Variants in COMMD1 observed in about 807,000 individuals in gnomAD.
COMMD1 encodes the protein COMM domain-containing protein 1.
In COMMD1, 10 loss-of-function variants were observed where a neutral mutation model predicts 17.2. The observed-to-expected ratio is 0.58, with a 90% CI of 0.36 to 0.99. The LOEUF (loss-of-function observed/expected upper bound fraction) is 0.99. Ranked by LOEUF, COMMD1 falls within the 50% of genes least tolerant of loss-of-function variation. The probability of loss-of-function intolerance (pLI) is 0.01; values close to 1 mark genes in which losing one functional copy is unlikely to be tolerated. For synonymous variants in COMMD1, 97 were observed against 91.6 expected, an observed-to-expected ratio of 1.06 and a Z score of -0.34; for missense variants, 270 against 231.8, an observed-to-expected ratio of 1.17 and a Z score of -1.07.
At chr2:61,990,139 TAC>T (rs904830499) in intron 1 of COMMD1, among the ~76,000 whole-genome samples, 12 of 152,108 alleles carry the variant, frequency 7.9e-5, no homozygotes, top group Non-Finnish European at 1.5e-4. Context: ...AGATAGAATA[TAC>T]ACTTAAGAGC....
Position 62,136,038 on chromosome 2 carries a change from A to G in COMMD1, c.*97A>G. The G allele has an allele frequency of 1.4e-6, 1 of 732,922 alleles. No homozygotes were observed. Among genetic ancestry groups the G allele is most frequent in the Non-Finnish European group, 2.5e-6 (1 of 399,470 alleles). The allele number at this position is 732,922 out of a possible 1,614,324, so 45.4% of individuals were successfully genotyped here. A position where few individuals can be genotyped will look rare whatever the true frequency, so the allele number is the denominator to read the frequency against. On this transcript the variant is annotated 3_prime_UTR_variant, in exon 3 of 3. Transcript: ENST00000311832. ...AGAAAATTCTTGTGCCCGCATTGGT[A>G]TTAAATCCTCGCATTCAGTCTTCCT...
intron 2 of COMMD1, among the ~76,000 whole-genome samples, chr2:62,133,414 A>G (rs952904924): frequency 6.6e-6 from 1 of 152,184 alleles, no homozygotes. Context: ...AGGGGACGAA[A>G]AAGTTTTTCT....
At chr2:62,025,481 G>A in intron 2 of COMMD1, among the ~76,000 whole-genome samples, 1 of 152,092 alleles carries the variant, frequency 6.6e-6, no homozygotes, top group East Asian at 1.9e-4. Context: ...AGTGAGCTCT[G>A]ATTGTGCCAC....
chr2:61,974,693 T>A (rs1216919959), intron 1 of COMMD1, among the ~76,000 whole-genome samples: 4 of 147,268 alleles, frequency 2.7e-5, no homozygotes. Context: ...AAAAAAAAAG[T>A]TTGTTTTAAA....
intron 1 of COMMD1, among the ~76,000 whole-genome samples, chr2:61,947,670 G>A (rs1670943612): frequency 2.0e-5 from 3 of 151,548 alleles, no homozygotes; most frequent in South Asian, 2.1e-4. Context: ...GCGACAGAGC[G>A]AGATTTGTCT....
intron 1 of COMMD1, among the ~76,000 whole-genome samples, chr2:61,991,130 A>AT: frequency 6.6e-6 from 1 of 152,134 alleles, no homozygotes; most frequent in Admixed American, 6.5e-5. Flanking sequence ...TTCATTTTTC[A>AT]TTCAAATTCT....
At chr2:61,900,484 T>G (rs1388104390) in intron 1 of COMMD1, among the ~76,000 whole-genome samples, 1 of 152,262 alleles carries the variant, frequency 6.6e-6, no homozygotes, top group East Asian at 1.9e-4. Context: ...GACTTAACTC[T>G]TGCCTTGCAT....
At chr2:62,133,019 G>A (rs1673087230) in intron 2 of COMMD1, among the ~76,000 whole-genome samples, 1 of 152,144 alleles carries the variant, frequency 6.6e-6, no homozygotes, top group African/African-American at 2.4e-5. Flanking sequence ...CACTTAATTA[G>A]TATTCTTTCT....
intron 1 of COMMD1, among the ~76,000 whole-genome samples, chr2:61,967,022 T>C (rs1671523115): frequency 6.6e-6 from 1 of 152,174 alleles, no homozygotes; most frequent in Non-Finnish European, 1.5e-5. Flanking sequence ...CTGACTTCCA[T>C]AGCCAGCATC....
intron 2 of COMMD1, among the ~76,000 whole-genome samples, chr2:62,007,324 C>T (rs1240355324): frequency 6.6e-6 from 1 of 152,118 alleles, no homozygotes; most frequent in Non-Finnish European, 1.5e-5. Flanking sequence ...GGGATATTCA[C>T]TGACCATACA....
intron 2 of COMMD1, among the ~76,000 whole-genome samples, chr2:62,094,070 C>G (rs546420144): frequency 2.0e-5 from 3 of 152,184 alleles, no homozygotes; most frequent in Non-Finnish European, 2.9e-5. Context: ...ATTAACTCAG[C>G]ATTCTCTATG....
At chr2:61,916,266 C>A (rs1670049480) in intron 1 of COMMD1, among the ~76,000 whole-genome samples, 1 of 151,910 alleles carries the variant, frequency 6.6e-6, no homozygotes, top group Non-Finnish European at 1.5e-5. Context: ...CTGGTCTCTT[C>A]TGGCCTTTTA....
chr2:62,058,971 G>A (rs1442425628), intron 2 of COMMD1, among the ~76,000 whole-genome samples: 1 of 151,832 alleles, frequency 6.6e-6, no homozygotes, highest in Non-Finnish European at 1.5e-5. Flanking sequence ...GTAGAGACGG[G>A]GTTTCTCCAT....
chr2:62,129,019 C>G (rs769700859), intron 2 of COMMD1, among the ~76,000 whole-genome samples: 8 of 151,746 alleles, frequency 5.3e-5, no homozygotes, highest in Non-Finnish European at 1.2e-4. Flanking sequence ...CTAGCTTATC[C>G]TATTATTTAA....
chr2:61,972,686 C>G (rs1671686080), intron 1 of COMMD1, among the ~76,000 whole-genome samples: 1 of 152,202 alleles, frequency 6.6e-6, no homozygotes, highest in Non-Finnish European at 1.5e-5. Flanking sequence ...AAACATCAGG[C>G]AAATCTCAAC....
intron 2 of COMMD1, among the ~76,000 whole-genome samples, chr2:62,080,551 A>G (rs998913039): frequency 1.4e-4 from 21 of 152,206 alleles, no homozygotes; most frequent in African/African-American, 4.8e-4. Flanking sequence ...CATAGTCCCA[A>G]TTCTCTTTAA....
intron 2 of COMMD1, among the ~76,000 whole-genome samples, chr2:62,085,146 A>G (rs1223998313): frequency 6.6e-6 from 1 of 152,072 alleles, no homozygotes; most frequent in Admixed American, 6.5e-5. Flanking sequence ...AATTTTAAAA[A>G]CTGTTTCTGA....
chr2:62,072,402 G>A (rs1482556043), intron 2 of COMMD1, among the ~76,000 whole-genome samples: 1 of 152,138 alleles, frequency 6.6e-6, no homozygotes, highest in East Asian at 1.9e-4. Context: ...CCTGGACTCA[G>A]CCACACATTG....
intron 2 of COMMD1, among the ~76,000 whole-genome samples, chr2:62,112,377 G>A (rs926490376): frequency 2.0e-5 from 3 of 152,212 alleles, no homozygotes; most frequent in Admixed American, 6.5e-5. Flanking sequence ...GAAGCAGTTG[G>A]TACTGTTCCC....
Sources: gnomAD v4.1 joint callset for allele counts (sites outside exome capture counted in the v4.1 genomes callset) on GRCh38, gnomAD v4.1.1 for gene constraint, MANE v1.5 for transcripts, NCBI Gene and HGNC (gene_info 2026-07-23, HGNC 2026-07-21) for gene names.